FGD4: variants seen among roughly 807,000 people sequenced by gnomAD.
The protein encoded by FGD4 is FYVE, RhoGEF and PH domain containing 4, also known as FYVE, RhoGEF and PH domain-containing protein 4.
Under a neutral mutation model 102.0 loss-of-function variants are expected in FGD4, and 42 were observed. The observed-to-expected ratio is 0.41, with a 90% CI of 0.32 to 0.53. The LOEUF (loss-of-function observed/expected upper bound fraction) is 0.53. FGD4 is among the 20% of genes least tolerant of loss of function. The pLI, the probability that FGD4 is intolerant of heterozygous loss-of-function variation, is 0.21. For missense variants in FGD4, 902 were observed against 1,078.2 expected (o/e 0.84, Z 2.29); for synonymous variants, 380 against 375.7 (o/e 1.01, Z -0.13).
intron 4 of FGD4, among the ~76,000 whole-genome samples, chr12:32,583,861 T>C (rs1946801977): frequency 6.6e-6 from 1 of 152,212 alleles, no homozygotes; most frequent in Non-Finnish European, 1.5e-5. Flanking sequence ...TCGTGAACCA[T>C]GATGGAAGGA....
chr12:32,405,146 G>T (rs772766599), intron 1 of FGD4, among the ~76,000 whole-genome samples: 1 of 151,802 alleles, frequency 6.6e-6, no homozygotes. Flanking sequence ...TGTTAGCCAG[G>T]ATGGTCTCGA....
At chr12:32,638,523 A>C (rs1462217727) in intron 15 of FGD4, 132 bp from the exon 16 acceptor site, 4 of 1,237,488 alleles carry the variant, frequency 3.2e-6, no homozygotes, top group Non-Finnish European at 4.6e-6. Flanking sequence ...TAAAATGTTT[A>C]AACAATAATT....
chr12:32,502,185 G>A (rs907293722), intron 1 of FGD4: 5 of 985,408 alleles, frequency 5.1e-6, no homozygotes, highest in Non-Finnish European at 1.2e-6. Flanking sequence ...CTGGGAAGTG[G>A]GGAAAGCAGG....
intron 1 of FGD4, among the ~76,000 whole-genome samples, chr12:32,530,004 AT>A (rs1941641977): frequency 6.6e-6 from 1 of 152,084 alleles, no homozygotes; most frequent in Non-Finnish European, 1.5e-5. Flanking sequence ...AACATTGTAG[AT>A]TTATAGTTTT....
chr12:32,622,626 C>T (rs1422186838), intron 11 of FGD4, among the ~76,000 whole-genome samples: 2 of 152,098 alleles, frequency 1.3e-5, no homozygotes, highest in African/African-American at 4.8e-5. Flanking sequence ...GAGTTTTGCT[C>T]TTGTTACCCA....
At chr12:32,552,944 A>ATTTTTTTT (rs71068326) in intron 1 of FGD4, among the ~76,000 whole-genome samples, 14 of 123,894 alleles carry the variant, frequency 1.1e-4, no homozygotes, top group East Asian at 2.2e-4. Context: ...CGCCTGGCTA[A>ATTTTTTTT]TTTTTTTTTT....
In FGD4 at chr12:32,642,885, G is replaced by C. The variant is rs1397137344; in HGVS notation, c.*2352G>C. 1 of 152,404 alleles carries C rather than the reference G, an allele frequency of 6.6e-6. No homozygotes were observed. The highest frequency in any genetic ancestry group is 1.5e-5 in the Non-Finnish European group (1 of 67,922). The allele number at this position is 152,404 out of a possible 1,614,324, so 9.4% of individuals were successfully genotyped here. A position where few individuals can be genotyped will look rare whatever the true frequency, so the allele number is the denominator to read the frequency against. ...GCCATTTATTAAACAATTCAACCAA[G>C]AGACCTCAAAGTGTGATTGATGATA... On this transcript the variant is annotated 3_prime_UTR_variant, in exon 17 of 17. Coordinates refer to ENST00000534526, the MANE Select transcript of FGD4 (RefSeq NM_001370298.3).
At chr12:32,570,039 G>A (rs1945513151) in intron 2 of FGD4, among the ~76,000 whole-genome samples, 2 of 151,882 alleles carry the variant, frequency 1.3e-5, no homozygotes, top group South Asian at 2.1e-4. Flanking sequence ...TCAGGAGTTC[G>A]AGACCAGCCT....
chr12:32,437,466 T>C (rs1367334224), intron 1 of FGD4, among the ~76,000 whole-genome samples: 1 of 152,190 alleles, frequency 6.6e-6, no homozygotes, highest in Non-Finnish European at 1.5e-5. Context: ...CGCACCCAGA[T>C]GTGTTACTGG....
At chr12:32,608,374 G>A (rs991281840) in intron 8 of FGD4, among the ~76,000 whole-genome samples, 2 of 152,218 alleles carry the variant, frequency 1.3e-5, no homozygotes, top group African/African-American at 4.8e-5. Context: ...ATCTAGAATA[G>A]CAATACACAA....
At chr12:32,500,017 C>CA (rs1297494984) in intron 1 of FGD4, among the ~76,000 whole-genome samples, 1 of 152,010 alleles carries the variant, frequency 6.6e-6, no homozygotes, top group Non-Finnish European at 1.5e-5. Context: ...AAGAAAAAAA[C>CA]AAAAAAATCT....
intron 1 of FGD4, among the ~76,000 whole-genome samples, chr12:32,494,941 A>T (rs1937703974): frequency 6.6e-6 from 1 of 152,218 alleles, no homozygotes; most frequent in South Asian, 2.1e-4. Context: ...GAGCATAGAC[A>T]GCTTGACAGT....
In FGD4 at chr12:32,399,704, A is replaced by T; in HGVS notation, c.-90A>T. Reference sequence around the variant, plus strand: ...AGAGGGCGCCCCCGGAGTCGCGCCGAACCTGGGCATGCAGGCGACGCCCCC... The same window carrying T: ...AGAGGGCGCCCCCGGAGTCGCGCCGTACCTGGGCATGCAGGCGACGCCCCC... On this transcript the variant is annotated 5_prime_UTR_variant, in exon 1 of 17. Transcript: ENST00000534526. 1 of 1,481,220 alleles carries T rather than the reference A, an allele frequency of 6.8e-7. No homozygotes were observed. Among genetic ancestry groups the T allele is most frequent in the South Asian group, 1.3e-5 (1 of 75,860 alleles). 91.8% of individuals were successfully genotyped at this position (1,481,220 alleles called of 1,614,324 possible).
intron 1 of FGD4, among the ~76,000 whole-genome samples, chr12:32,443,761 G>T (rs1333859744): frequency 1.3e-5 from 2 of 150,312 alleles, no homozygotes; most frequent in African/African-American, 4.9e-5. Context: ...ATGTTGCCCA[G>T]GTTGTCTTTC....
At chr12:32,446,506 G>C (rs1324702589) in intron 1 of FGD4, among the ~76,000 whole-genome samples, 3 of 152,148 alleles carry the variant, frequency 2.0e-5, no homozygotes, top group Admixed American at 2.0e-4. Context: ...GTGTCCCTGT[G>C]TCTACAGAGA....
intron 1 of FGD4, among the ~76,000 whole-genome samples, chr12:32,560,072 T>C (rs1944414411): frequency 6.6e-6 from 1 of 152,188 alleles, no homozygotes; most frequent in Admixed American, 6.5e-5. Flanking sequence ...AAGGTGGCCT[T>C]TAAGCCATTC....
Position 32,581,786 on chromosome 12 carries a change from G to A in FGD4, c.504-174G>A, listed in dbSNP as rs1016771727. ...TTAAATCTTTATTTAAATGTGGATAGCATCCCAAGAGACTTGGGTCTACAC... is the reference window on the plus strand; with the variant it reads ...TTAAATCTTTATTTAAATGTGGATAACATCCCAAGAGACTTGGGTCTACAC... On this transcript the variant is annotated intron_variant, in intron 3 of 16. Transcript: ENST00000534526. 34 of 645,270 alleles carry A rather than the reference G, an allele frequency of 5.3e-5. No individual in the cohort carries two copies. In the Admixed American group the frequency reaches 7.9e-4, roughly 15 times the overall value. 40.0% of individuals were successfully genotyped at this position (645,270 alleles called of 1,614,324 possible). A position where few individuals can be genotyped will look rare whatever the true frequency, so the allele number is the denominator to read the frequency against.
At chr12:32,496,152 G>A (rs1449011487) in intron 1 of FGD4, among the ~76,000 whole-genome samples, 1 of 152,188 alleles carries the variant, frequency 6.6e-6, no homozygotes, top group Non-Finnish European at 1.5e-5. Flanking sequence ...TGTAGAACTT[G>A]AGTGAAACAG....
At chr12:32,523,085 G>C (rs1406066661) in intron 1 of FGD4, among the ~76,000 whole-genome samples, 1 of 152,156 alleles carries the variant, frequency 6.6e-6, no homozygotes, top group Non-Finnish European at 1.5e-5. Context: ...TCTGCATAGT[G>C]GAGTAGCTGT....
Sources: gnomAD v4.1 joint callset for allele counts (sites outside exome capture counted in the v4.1 genomes callset) on GRCh38, gnomAD v4.1.1 for gene constraint, MANE v1.5 for transcripts, NCBI Gene and HGNC (gene_info 2026-07-23, HGNC 2026-07-21) for gene names.